The following RPGRIP1 variants were observed in gnomAD, a reference collection of about 807,000 sequenced individuals.
RPGRIP1 encodes RPGR interacting protein 1.
In RPGRIP1, 128 loss-of-function variants were observed where a neutral mutation model predicts 157.9. The ratio of observed to expected loss-of-function variants is 0.81; its 90% CI spans 0.70 to 0.94. The LOEUF is 0.94. Among genes scored for constraint, RPGRIP1 ranks in the 40% least tolerant of loss-of-function variants. The probability of loss-of-function intolerance (pLI) is 0.00; values close to 1 mark genes in which losing one functional copy is unlikely to be tolerated. For missense variants in RPGRIP1, 1,486 were observed against 1,545.8 expected (o/e 0.96, Z 0.65); for synonymous variants, 554 against 571.6 (o/e 0.97, Z 0.44).
intron 14 of RPGRIP1, 143 bp from the exon 15 acceptor site, chr14:21,324,475 T>C: frequency 1.4e-6 from 1 of 730,694 alleles, no homozygotes; most frequent in East Asian, 2.7e-5. Context: ...TCTGTTGCTT[T>C]TCCTTTTGAA....
In RPGRIP1 at chr14:21,334,626, G is replaced by A; in HGVS notation, c.3260G>A (p.Gly1087Asp). The A allele has an allele frequency of 1.2e-6, 2 of 1,608,134 alleles. No individual in the cohort carries two copies. Among genetic ancestry groups the A allele is most frequent in the Admixed American group, 1.7e-5 (1 of 59,038 alleles). Reference sequence around the variant, plus strand: ...GCAGACAAAGAATCCTCTGAACAAGGTTCTGAAGTCAGTGAAGCACAAACT... The same window carrying A: ...GCAGACAAAGAATCCTCTGAACAAGATTCTGAAGTCAGTGAAGCACAAACT... Reference protein sequence around the residue: ...PVNDKESSEQGSEVSEAQTTD... With the variant: ...PVNDKESSEQDSEVSEAQTTD... The change falls in exon 21 of 25, where the codon GGT (glycine) becomes GAT (aspartate). Residue 1087 changes from glycine to aspartate, a missense_variant. Gly to Asp is a moderately conservative substitution (Grantham distance 94, BLOSUM62 -1). Coordinates refer to ENST00000400017, the MANE Select transcript of RPGRIP1 (RefSeq NM_020366.4).
chr14:21,314,560 T>C (rs1382530278), intron 10 of RPGRIP1, among the ~76,000 whole-genome samples: 1 of 151,144 alleles, frequency 6.6e-6, no homozygotes, highest in East Asian at 2.0e-4. Context: ...ACGACCAGCC[T>C]GGGCAACATG....
At chr14:21,348,832 TG>T (rs1885840638) in intron 24 of RPGRIP1, among the ~76,000 whole-genome samples, 1 of 151,904 alleles carries the variant, frequency 6.6e-6, no homozygotes. Flanking sequence ...GGCTAATTTT[TG>T]TATTTTTAGT....
chr14:21,292,888 T>C lies in RPGRIP1; in HGVS notation c.86-1789T>C, dbSNP rs1289694617. Reference sequence around the variant, plus strand: ...TTAGCCGGGCGCAGTGGCTCACGCCTGTAATCCCAGCACTTTGGGAGGCCG... The same window carrying C: ...TTAGCCGGGCGCAGTGGCTCACGCCCGTAATCCCAGCACTTTGGGAGGCCG... On this transcript the variant is annotated intron_variant, in intron 2 of 24. Coordinates refer to ENST00000400017, the MANE Select transcript of RPGRIP1 (RefSeq NM_020366.4). 4.6e-5 allele frequency among the ~76,000 whole-genome samples: 7 copies of C among 151,934 alleles called. No individual in the cohort carries two copies. In the South Asian group the frequency reaches 1.5e-3, roughly 32 times the overall value.
chr14:21,347,571 C>T (rs970456753), intron 23 of RPGRIP1, among the ~76,000 whole-genome samples: 1 of 152,052 alleles, frequency 6.6e-6, no homozygotes. Flanking sequence ...TAGTCCTATT[C>T]CTGGCACTCT....
rs763279017 is a variant in RPGRIP1, at chr14:21,330,295, T to C, written c.3146T>C (p.Ile1049Thr). 2 of 1,581,856 alleles carry C rather than the reference T, an allele frequency of 1.3e-6. No homozygotes were observed. Among genetic ancestry groups the C allele is most frequent in the Non-Finnish European group, 8.6e-7 (1 of 1,166,990 alleles). ...EWKFSETNSF[I>T]GDGFKNQHEE... Reference sequence around the variant, plus strand: ...AAGTTCTCAGAGACTAACAGCTTCATAGGTGATGGCTTTAAAAATCAGCAC... The same window carrying C: ...AAGTTCTCAGAGACTAACAGCTTCACAGGTGATGGCTTTAAAAATCAGCAC... The change falls in exon 20 of 25, where the codon ATA becomes ACA. Residue 1049 changes from isoleucine to threonine, a missense_variant. Physicochemically the swap from Ile to Thr is moderately conservative, Grantham distance 89. Transcript: ENST00000400017.
intron 16 of RPGRIP1, 102 bp from the exon 17 acceptor site, chr14:21,325,729 C>A: frequency 2.3e-6 from 2 of 858,360 alleles, no homozygotes; most frequent in Non-Finnish European, 3.6e-6. Context: ...GTTGGGATAG[C>A]TGTTCTCTAG....
chr14:21,283,078 A>G (rs1210423479), intron 1 of RPGRIP1, among the ~76,000 whole-genome samples: 6 of 152,170 alleles, frequency 3.9e-5, no homozygotes, highest in Non-Finnish European at 8.8e-5. Flanking sequence ...ATTGCTCCAT[A>G]GTGCCATATA....
rs1427873310 is a variant in RPGRIP1 at position 21,325,377 on chromosome 14, A to T, written c.2361A>T (p.Glu787Asp). Reference protein sequence around the residue: ...TDVLGGRKAQEEEFRSESWEP... With the variant: ...TDVLGGRKAQDEEFRSESWEP... ...TGCTTGGAGGCCGGAAGGCCCAGGA[A>T]GAGGAGGTGAGAAAAAAGATGTGCC... Residue 787 changes from glutamate to aspartate, a missense_variant, in exon 16 of 25, where the codon GAA becomes GAT. Glu to Asp is a conservative substitution (Grantham distance 45). Transcript: ENST00000400017. The T allele has an allele frequency of 1.3e-6, 2 of 1,569,514 alleles. No individual in the cohort carries two copies. The highest frequency in any genetic ancestry group is 3.8e-5 in the Admixed American group (2 of 52,198).
At chr14:21,290,419 A>G (rs1056453149) in intron 2 of RPGRIP1, among the ~76,000 whole-genome samples, 3 of 152,152 alleles carry the variant, frequency 2.0e-5, no homozygotes, top group Admixed American at 1.3e-4. Context: ...CACGCCTGTA[A>G]TCCCATCACC....
intron 2 of RPGRIP1, among the ~76,000 whole-genome samples, chr14:21,288,504 G>GTTCTTTTTTTTT (rs899605620): frequency 6.8e-6 from 1 of 147,970 alleles, no homozygotes; most frequent in Non-Finnish European, 1.5e-5. Flanking sequence ...TTATTCTTAA[G>GTTCTTTTTTTTT]TTCTTTTTTT....
At chr14:21,313,911 A>C (rs1405507710) in intron 10 of RPGRIP1, among the ~76,000 whole-genome samples, 1 of 151,660 alleles carries the variant, frequency 6.6e-6, no homozygotes, top group Non-Finnish European at 1.5e-5. Context: ...TAAGAGGATT[A>C]GAATAAGGCA....
chr14:21,283,995 G>A (rs779290061), intron 1 of RPGRIP1, among the ~76,000 whole-genome samples: 2 of 152,140 alleles, frequency 1.3e-5, no homozygotes, highest in Non-Finnish European at 2.9e-5. Flanking sequence ...TGATTATTCA[G>A]CTTTCTTAAA....
chr14:21,303,315 T>A lies in RPGRIP1; in HGVS notation c.588-16T>A, dbSNP rs1436214002. 1 of 1,585,696 alleles carries A rather than the reference T, an allele frequency of 6.3e-7. No individual in the cohort carries two copies. The highest frequency in any genetic ancestry group is 8.6e-7 in the Non-Finnish European group (1 of 1,158,512). On this transcript the variant is annotated splice_polypyrimidine_tract_variant and intron_variant, in intron 5 of 24. Transcript: ENST00000400017. The stretch of plus-strand genomic sequence containing the variant: ...CTCCTGTAACAACAGTTTCTAAGTA[T>A]CCTTTTTGTATTTAGTGTTTCTGGT...
chr14:21,320,882 C>G (rs1225360362), intron 12 of RPGRIP1, among the ~76,000 whole-genome samples: 3 of 152,130 alleles, frequency 2.0e-5, no homozygotes, highest in Admixed American at 2.0e-4. Flanking sequence ...ATTACAGGCA[C>G]GTGCCACTGT....
chr14:21,301,570 G>A (rs1006634499), intron 4 of RPGRIP1, among the ~76,000 whole-genome samples: 1 of 151,774 alleles, frequency 6.6e-6, no homozygotes, highest in African/African-American at 2.4e-5. Flanking sequence ...CCAGTTATTC[G>A]AGAGATTGAG....
In RPGRIP1 at chr14:21,309,446, G is replaced by A. The variant is rs2139171787; in HGVS notation, c.907-1138G>A. On this transcript the variant is annotated intron_variant, in intron 7 of 24. Coordinates refer to ENST00000400017, the MANE Select transcript of RPGRIP1 (RefSeq NM_020366.4). ...AGGATTGCTTGAGTGCTTGAGCCCA[G>A]GAGGCAGAGGTTGCAGTGAGCCGAG... 2.0e-5 allele frequency among the ~76,000 whole-genome samples: 3 copies of A among 152,192 alleles called. No homozygotes were observed. The South Asian group carries it at 6.2e-4, about 32-fold the overall frequency.
intron 3 of RPGRIP1, among the ~76,000 whole-genome samples, chr14:21,298,594 A>G (rs113395289): frequency 6.6e-6 from 1 of 151,542 alleles, no homozygotes; most frequent in African/African-American, 2.4e-5. Flanking sequence ...TGTCAAGGGC[A>G]GTGTTTTGCT....
chr14:21,351,067 C>A, intron 24 of RPGRIP1, 37 bp from the exon 25 acceptor site: 1 of 1,208,570 alleles, frequency 8.3e-7, no homozygotes, highest in Non-Finnish European at 1.2e-6. Flanking sequence ...TCAAAGTGTT[C>A]AACTGAGTGA....
Sources: allele counts gnomAD v4.1 joint callset (sites outside exome capture counted in the v4.1 genomes callset), GRCh38; gene constraint gnomAD v4.1.1; transcripts MANE v1.5; gene names NCBI Gene and HGNC (gene_info 2026-07-23, HGNC 2026-07-21).